ZNF680: variants seen among roughly 807,000 people sequenced by gnomAD.
The protein encoded by ZNF680 is hypothetical protein FLJ90430.
In ZNF680, 6 loss-of-function variants were observed where a neutral mutation model predicts 12.1. That is an observed-to-expected ratio of 0.49 (90% confidence interval 0.27 to 0.98). The LOEUF is 0.98. ZNF680 is among the 50% of genes least tolerant of loss of function. The pLI is 0.12. For missense variants in ZNF680, 561 were observed against 616.3 expected, an observed-to-expected ratio of 0.91 and a Z score of 0.95; for synonymous variants, 170 against 199.3, an observed-to-expected ratio of 0.85 and a Z score of 1.24.
At chr7:64,503,850 T>C in the ZNF680 span, among the ~76,000 whole-genome samples, 1 of 152,166 alleles carries the variant, frequency 6.6e-6, no homozygotes, top group African/African-American at 2.4e-5. Flanking sequence ...CTAGTCAATG[T>C]GGGTAGAGCT....
chr7:64,561,053 C>T (rs1446686804), intron 1 of ZNF680: 2 of 151,786 alleles, frequency 1.3e-5, no homozygotes, highest in Non-Finnish European at 2.9e-5. Flanking sequence ...TTTTTCTGCC[C>T]CCTTAGAGAA....
At chr7:64,519,266 A>T (rs944536453), downstream of ZNF680, among the ~76,000 whole-genome samples, 2 of 152,028 alleles carry the variant, frequency 1.3e-5, no homozygotes, top group Non-Finnish European at 2.9e-5. Context: ...TATCAGAGTA[A>T]TGCAAATGAA....
Position 64,522,354 on chromosome 7 carries a change from C to T in ZNF680, c.400G>A (p.Val134Met). The T allele has an allele frequency of 6.2e-7, 1 of 1,612,944 alleles. No individual in the cohort carries two copies. Reference protein sequence around the residue: ...ISCKSVDESKVFKEGYNELNQ... With the variant: ...ISCKSVDESKMFKEGYNELNQ... ...AGTTCATTATAACCTTCTTTGAACA[C>T]CTTAGACTCATCCACACTTTTACAA... Residue 134 changes from valine to methionine, a missense_variant, in exon 4 of 4, where the codon GTG becomes ATG. Val to Met is a conservative substitution (Grantham distance 21). Coordinates refer to ENST00000309683, the MANE Select transcript of ZNF680 (RefSeq NM_178558.5).
chr7:64,559,737 C>A (rs1002529606), intron 1 of ZNF680, among the ~76,000 whole-genome samples: 2 of 152,106 alleles, frequency 1.3e-5, no homozygotes, highest in African/African-American at 4.8e-5. Context: ...CCACCTTGGC[C>A]TCCCAAAGTG....
downstream of ZNF680, among the ~76,000 whole-genome samples, chr7:64,519,042 A>C (rs1381946655): frequency 6.6e-6 from 1 of 152,030 alleles, no homozygotes; most frequent in Non-Finnish European, 1.5e-5. Flanking sequence ...TAATCAGCAG[A>C]GTTAACAGAC....
At chr7:64,561,602 G>A (rs890733310) in intron 1 of ZNF680, among the ~76,000 whole-genome samples, 1 of 152,114 alleles carries the variant, frequency 6.6e-6, no homozygotes, top group Non-Finnish European at 1.5e-5. Flanking sequence ...ACCATCCAAT[G>A]ATTTCTCAAA....
chr7:64,530,904 T>G (rs1037418765), intron 3 of ZNF680, among the ~76,000 whole-genome samples: 2 of 149,836 alleles, frequency 1.3e-5, no homozygotes, highest in South Asian at 4.2e-4. Context: ...GTAATAATAA[T>G]AATAATAAAA....
chr7:64,539,983 T>C (rs1786413499), intron 3 of ZNF680, among the ~76,000 whole-genome samples: 1 of 152,188 alleles, frequency 6.6e-6, no homozygotes, highest in South Asian at 2.1e-4. Flanking sequence ...TTTAAGATGG[T>C]AAATTTTATG....
the ZNF680 span, among the ~76,000 whole-genome samples, chr7:64,514,388 T>C: frequency 7.0e-6 from 1 of 143,110 alleles, no homozygotes; most frequent in East Asian, 1.9e-4. Flanking sequence ...CACATTTCTT[T>C]GTCAATTGTG....
At position 64,526,093 on chromosome 7, in the gene ZNF680, A is replaced by G. The variant is rs1004741273; in HGVS notation, c.254-3593T>C. 8.5e-6 allele frequency: 8 copies of G among 944,306 alleles called. 1 individual carries two copies. Among genetic ancestry groups the G allele is most frequent in the Non-Finnish European group, 1.0e-5 (8 of 792,180 alleles). 58.5% of individuals were successfully genotyped at this position (944,306 alleles called of 1,614,324 possible). On this transcript the variant is annotated intron_variant, in intron 3 of 3. Coordinates refer to ENST00000309683, the MANE Select transcript of ZNF680 (RefSeq NM_178558.5). ...GGCATATCCTAAAATATATAAAACA[A>G]AAATATAAAATTCCAAAAGAAAATT...
intron 2 of ZNF680, chr7:64,544,008 A>G (rs1299530331): frequency 5.0e-6 from 3 of 598,470 alleles, no homozygotes; most frequent in Non-Finnish European, 8.2e-6. Context: ...TGAATCAAAA[A>G]TTGGTGGGGG....
At chr7:64,499,755 A>C in the ZNF680 span, among the ~76,000 whole-genome samples, 1 of 152,202 alleles carries the variant, frequency 6.6e-6, no homozygotes, top group Non-Finnish European at 1.5e-5. Flanking sequence ...AAAAAACAAA[A>C]CAAACAAAAA....
chr7:64,502,005 T>C, the ZNF680 span, among the ~76,000 whole-genome samples: 3 of 104,914 alleles, frequency 2.9e-5, no homozygotes, highest in East Asian at 3.0e-4. Flanking sequence ...TTCTTTTTTT[T>C]TTTTTTTTTT....
At chr7:64,501,686 G>A in the ZNF680 span, 2 of 1,051,306 alleles carry the variant, frequency 1.9e-6, no homozygotes, top group Non-Finnish European at 3.0e-6. Flanking sequence ...GCTGAGGAAG[G>A]AGAGGATGAC....
the ZNF680 span, among the ~76,000 whole-genome samples, chr7:64,506,677 A>G: frequency 6.6e-6 from 1 of 152,122 alleles, no homozygotes; most frequent in Admixed American, 6.5e-5. Flanking sequence ...CAATTATTCA[A>G]TTTCTAAAAA....
chr7:64,547,352 A>G (rs1786840229), intron 1 of ZNF680, among the ~76,000 whole-genome samples: 1 of 152,202 alleles, frequency 6.6e-6, no homozygotes, highest in African/African-American at 2.4e-5. Flanking sequence ...TCCATCCTCA[A>G]GTATCATATT....
the ZNF680 span, among the ~76,000 whole-genome samples, chr7:64,514,367 A>G: frequency 6.6e-6 from 1 of 150,994 alleles, no homozygotes; most frequent in African/African-American, 2.4e-5. Context: ...ATTATAAGCC[A>G]CAAAAATAAC....
the ZNF680 span, chr7:64,501,856 C>A: frequency 1.9e-6 from 1 of 527,936 alleles, no homozygotes; most frequent in East Asian, 3.8e-5. Context: ...TTGTCTTTCC[C>A]ATGTTAATTC....
the ZNF680 span, among the ~76,000 whole-genome samples, chr7:64,500,225 T>C: frequency 1.3e-5 from 2 of 152,094 alleles, no homozygotes; most frequent in East Asian, 1.9e-4. Context: ...ACACAGCTAA[T>C]GACCCAAATG....
Sources: gnomAD v4.1 joint callset for allele counts (sites outside exome capture counted in the v4.1 genomes callset) on GRCh38, gnomAD v4.1.1 for gene constraint, MANE v1.5 for transcripts, NCBI Gene and HGNC (gene_info 2026-07-23, HGNC 2026-07-21) for gene names.